Variants in ANTXR2 observed in about 807,000 individuals in gnomAD.
ANTXR2 encodes the protein ANTXR cell adhesion molecule 2, also known as anthrax toxin receptor 2.
ANTXR2 carries 44 observed loss-of-function variants against 73.7 expected under a neutral mutation model. The ratio of observed to expected loss-of-function variants is 0.60; its 90% CI spans 0.47 to 0.77. The LOEUF is 0.77. Ranked by LOEUF, ANTXR2 falls within the 30% of genes least tolerant of loss-of-function variation. The pLI is 0.00. For synonymous variants in ANTXR2, 217 were observed against 205.9 expected (o/e 1.05, Z -0.46); for missense variants, 604 against 592.5 (o/e 1.02, Z -0.20).
At chr4:80,058,071 T>G (rs1198652984) in intron 3 of ANTXR2, among the ~76,000 whole-genome samples, 1 of 152,042 alleles carries the variant, frequency 6.6e-6, no homozygotes, top group Admixed American at 6.6e-5. Context: ...AGTGTGTCTT[T>G]GAGCATTAGT....
In ANTXR2 at chr4:79,984,834, G is replaced by T. The variant is rs1464723065; in HGVS notation, c.1071C>A (p.Ala357=). 5.2e-6 allele frequency: 8 copies of T among 1,528,584 alleles called. No individual in the cohort carries two copies. Among genetic ancestry groups the T allele is most frequent in the East Asian group, 2.2e-5 (1 of 44,596 alleles). 94.7% of individuals were successfully genotyped at this position (1,528,584 alleles called of 1,614,324 possible). Residue 357 remains alanine, a synonymous_variant, in exon 13 of 17, where the codon GCC becomes GCA. Coordinates refer to ENST00000403729, the MANE Select transcript of ANTXR2 (RefSeq NM_058172.6). ...VVIKDPPPPP[A]PAPKEEEEEP... ...ACTCACTTACCTCTTTTGGTGCAGG[G>T]GCGGGTGGTGGTGGAGGATCCTTAA...
intron 16 of ANTXR2, among the ~76,000 whole-genome samples, chr4:79,933,652 T>C (rs965578946): frequency 1.3e-5 from 2 of 150,536 alleles, no homozygotes; most frequent in African/African-American, 4.9e-5. Flanking sequence ...CTGCACCCAT[T>C]AACTCTTCAT....
At chr4:80,037,268 A>G (rs145043034) in intron 7 of ANTXR2, among the ~76,000 whole-genome samples, 242 of 152,298 alleles carry the variant, frequency 1.6e-3, no homozygotes, top group African/African-American at 5.5e-3. Context: ...TAGAATAGGA[A>G]GTAAGGACTG....
intron 16 of ANTXR2, among the ~76,000 whole-genome samples, chr4:79,961,989 G>A (rs1449064903): frequency 6.6e-6 from 1 of 151,854 alleles, no homozygotes; most frequent in Non-Finnish European, 1.5e-5. Context: ...AAGTACCCAA[G>A]TTCTGTTTAT....
rs143353923 is a variant in ANTXR2 at position 80,043,253 on chromosome 4, T to A, written c.637-7221A>T. Among the ~76,000 whole-genome samples the A allele has an allele frequency of 3.4e-5, 3 of 88,050 alleles. No individual in the cohort carries two copies. The East Asian group carries it at 1.6e-3, about 48-fold the overall frequency. 57.8% of individuals were successfully genotyped at this position (88,050 alleles called of 152,430 possible). On this transcript the variant is annotated intron_variant, in intron 7 of 16. Coordinates refer to ENST00000403729, the MANE Select transcript of ANTXR2 (RefSeq NM_058172.6). ...GAGTTCTAAATTCTGATATTTGGTA[T>A]AAAATGGCTGCATTCCATATTGTGC...
intron 12 of ANTXR2, among the ~76,000 whole-genome samples, chr4:79,993,306 G>GA (rs369460891): frequency 6.6e-6 from 1 of 150,606 alleles, no homozygotes; most frequent in Non-Finnish European, 1.5e-5. Context: ...AAATTAGGAG[G>GA]AAAAAAAGAA....
chr4:80,046,955 C>T (rs1302130789), intron 7 of ANTXR2, among the ~76,000 whole-genome samples: 1 of 151,812 alleles, frequency 6.6e-6, no homozygotes, highest in Admixed American at 6.6e-5. Flanking sequence ...CAAATATTAA[C>T]CATTTTCTGC....
chr4:80,036,289 G>A (rs1050069755), intron 7 of ANTXR2, among the ~76,000 whole-genome samples: 1 of 152,052 alleles, frequency 6.6e-6, no homozygotes, highest in Non-Finnish European at 1.5e-5. Context: ...GGAAAAGTGA[G>A]CATTGTCTCA....
At chr4:79,943,743 A>AAT (rs1553927054) in intron 16 of ANTXR2, among the ~76,000 whole-genome samples, 65 of 150,090 alleles carry the variant, frequency 4.3e-4, no homozygotes, top group African/African-American at 1.5e-3. Context: ...AATAAAAAAA[A>AAT]AAATAAATAA....
intron 7 of ANTXR2, among the ~76,000 whole-genome samples, chr4:80,047,206 T>TA (rs1217392677): frequency 7.9e-5 from 12 of 151,344 alleles, no homozygotes; most frequent in South Asian, 2.1e-4. Flanking sequence ...AAATTTTTTT[T>TA]AAAAAAAAGA....
chr4:79,926,860 T>C (rs1727798911), intron 16 of ANTXR2, among the ~76,000 whole-genome samples: 1 of 151,634 alleles, frequency 6.6e-6, no homozygotes, highest in Non-Finnish European at 1.5e-5. Flanking sequence ...GATAAAGAAA[T>C]TGTGGCATAT....
intron 3 of ANTXR2, among the ~76,000 whole-genome samples, chr4:80,066,001 C>T (rs966252150): frequency 7.2e-5 from 11 of 152,114 alleles, no homozygotes; most frequent in African/African-American, 2.7e-4. Flanking sequence ...GTTGTGGAAT[C>T]ATTTGTTTAC....
intron 16 of ANTXR2, among the ~76,000 whole-genome samples, chr4:79,945,601 C>A (rs1728488336): frequency 6.6e-6 from 1 of 151,930 alleles, no homozygotes; most frequent in African/African-American, 2.4e-5. Flanking sequence ...AAGTTGAAAC[C>A]AAAATACATA....
chr4:79,988,853 A>G (rs1730329739), intron 12 of ANTXR2, among the ~76,000 whole-genome samples: 1 of 152,168 alleles, frequency 6.6e-6, no homozygotes, highest in South Asian at 2.1e-4. Context: ...TCTCAAAACC[A>G]TACAATTACA....
chr4:79,977,447 A>T, intron 16 of ANTXR2, 174 bp downstream of exon 16: 1 of 1,309,276 alleles, frequency 7.6e-7, no homozygotes, highest in Non-Finnish European at 1.0e-6. Context: ...TTGAAGATGC[A>T]TTCTAACAAT....
At chr4:79,984,776 GA>G (rs375599010) in intron 13 of ANTXR2, 42 bp downstream of exon 13, 478 of 1,326,298 alleles carry the variant, frequency 3.6e-4, no homozygotes, top group Middle Eastern at 1.5e-3. Context: ...TCTGCATTTG[GA>G]AAAAAAAAAC....
rs1274751890 is a variant in ANTXR2, at chr4:80,069,438, G to A, written c.294C>T (p.Asp98=). 2 of 1,588,224 alleles carry A rather than the reference G, an allele frequency of 1.3e-6. No individual in the cohort carries two copies. Among genetic ancestry groups the A allele is most frequent in the Admixed American group, 3.4e-5 (2 of 59,000 alleles). The part of the protein sequence containing the change: ...QATIILPLTG[D]RGKISKGLED... The stretch of plus-strand genomic sequence containing the variant: ...CAGTGAAATGATAATGCACTAACCT[G>A]TCTCCAGTTAATGGCAAAATAATAG... The change falls in exon 3 of 17, where the codon GAC becomes GAT. Residue 98 remains aspartate (D), a splice_region_variant and synonymous_variant. Transcript: ENST00000403729.
At chr4:79,973,694 G>T (rs1319180831) in intron 16 of ANTXR2, among the ~76,000 whole-genome samples, 1 of 152,192 alleles carries the variant, frequency 6.6e-6, no homozygotes, top group Non-Finnish European at 1.5e-5. Context: ...CTCCCAAAGT[G>T]CTGGGATTAC....
chr4:80,035,361 C>A (rs1302388404), intron 8 of ANTXR2, among the ~76,000 whole-genome samples: 1 of 152,032 alleles, frequency 6.6e-6, no homozygotes, highest in African/African-American at 2.4e-5. Flanking sequence ...TATTTTCTCC[C>A]CCACCAGACC....
Sources: allele counts gnomAD v4.1 joint callset (sites outside exome capture counted in the v4.1 genomes callset), GRCh38; gene constraint gnomAD v4.1.1; transcripts MANE v1.5; gene names NCBI Gene and HGNC (gene_info 2026-07-23, HGNC 2026-07-21).